The following PXDN variants were observed in gnomAD, a reference collection of about 807,000 sequenced individuals.
PXDN encodes peroxidasin homolog.
In PXDN, 77 loss-of-function variants were observed where a neutral mutation model predicts 140.3. The observed-to-expected ratio is 0.55, with a 90% confidence interval of 0.46 to 0.66. PXDN has a LOEUF of 0.66. Among genes scored for constraint, PXDN ranks in the 30% least tolerant of loss-of-function variants. The pLI is 0.00. For missense variants in PXDN, 1,838 were observed against 2,039.5 expected, an observed-to-expected ratio of 0.90 and a Z score of 1.90; for synonymous variants, 911 against 857.4, an observed-to-expected ratio of 1.06 and a Z score of -1.09.
At position 1,666,412 on chromosome 2, in the gene PXDN, CGCT is replaced by C. The variant is rs1176744102; in HGVS notation, c.1090_1092del (p.Ser364del). On this transcript the variant is annotated inframe_deletion, in exon 10 of 23. Transcript: ENST00000252804. The stretch of plus-strand genomic sequence containing the variant: ...ATCCGCGGCGGGGGGTGGCCTGTGG[CGCT>C]GCACTCCAGCGTGACGCTCTCCCCA... The C allele has an allele frequency of 1.2e-6, 2 of 1,613,662 alleles. No homozygotes were observed. Among genetic ancestry groups the C allele is most frequent in the African/African-American group, 2.7e-5 (2 of 74,948 alleles).
At chr2:1,719,892 G>A (rs1684981102) in intron 1 of PXDN, among the ~76,000 whole-genome samples, 1 of 138,048 alleles carries the variant, frequency 7.2e-6, no homozygotes. Context: ...GAGAGGGAGG[G>A]AGATTCAGAG....
At chr2:1,683,581 A>C (rs776764556) in intron 6 of PXDN, 75 bp downstream of exon 6, 11 of 779,416 alleles carry the variant, frequency 1.4e-5, no homozygotes, top group Non-Finnish European at 1.9e-5. Context: ...AATACTTGAA[A>C]AAGAACCAGG....
intron 9 of PXDN, among the ~76,000 whole-genome samples, chr2:1,672,959 G>A (rs574243519): frequency 2.4e-4 from 37 of 152,210 alleles, no homozygotes; most frequent in Middle Eastern, 3.4e-3. Flanking sequence ...AGGCAGACCC[G>A]TCCAGAGGCA....
At chr2:1,716,464 A>C (rs975691014) in intron 1 of PXDN, among the ~76,000 whole-genome samples, 12 of 131,668 alleles carry the variant, frequency 9.1e-5, no homozygotes, top group African/African-American at 2.3e-4. Context: ...AAAAAAAAAA[A>C]AAAAAACCAG....
intron 7 of PXDN, among the ~76,000 whole-genome samples, chr2:1,678,718 C>T (rs1376815940): frequency 6.6e-6 from 1 of 152,196 alleles, no homozygotes; most frequent in African/African-American, 2.4e-5. Flanking sequence ...CCCCTGAGCA[C>T]CGAGGGCCCT....
At chr2:1,679,618 T>C (rs982393713) in intron 7 of PXDN, among the ~76,000 whole-genome samples, 7 of 129,750 alleles carry the variant, frequency 5.4e-5, no homozygotes, top group Non-Finnish European at 1.1e-4. Context: ...TGTGTGTGGT[T>C]TGTGTCTGCA....
At position 1,634,282 on chromosome 2, in the gene PXDN, G is replaced by A; in HGVS notation, c.4362C>T (p.Ala1454=). Residue 1454 remains alanine, a synonymous_variant, in exon 23 of 23, where the codon GCC becomes GCT. Transcript: ENST00000252804. The part of the protein sequence containing the change: ...VTCFVEACPP[A]TCAVPVNIPG... ...GGATGTTCACGGGGACAGCACAGGT[G>A]GCAGGGGGGCAAGCTTCCACGAAGC... 6.2e-7 allele frequency: 1 copy of A among 1,606,420 alleles called. No homozygotes were observed. The highest frequency in any genetic ancestry group is 8.5e-7 in the Non-Finnish European group (1 of 1,176,734).
chr2:1,685,194 A>G lies in PXDN; in HGVS notation c.417-1043T>C, dbSNP rs989867926. 3.3e-5 allele frequency among the ~76,000 whole-genome samples: 5 copies of G among 152,208 alleles called. No homozygotes were observed. Among genetic ancestry groups the G allele is most frequent in the African/African-American group, 1.2e-4 (5 of 41,464 alleles). The stretch of plus-strand genomic sequence containing the variant: ...CACAGGCCACACTGAGTCTCTGCGG[A>G]CACCTGCAGCCGGAGGGCCCCCAAA... On this transcript the variant is annotated intron_variant, in intron 4 of 22. Transcript: ENST00000252804. This position sits in a 1 kb window ranked among gnomAD's most constrained non-coding sequence, Gnocchi z 5.1.
At chr2:1,711,568 TCTCCACCAGCACCCA>T (rs1187702637) in intron 1 of PXDN, among the ~76,000 whole-genome samples, 21,612 of 97,438 alleles carry the variant, frequency 0.22, 3,460 homozygotes, top group Admixed American at 0.29. Flanking sequence ...CAGCATCCAC[TCTCCACCAGCACCCA>T]CTCCACCAGC....
intron 1 of PXDN, among the ~76,000 whole-genome samples, chr2:1,712,747 G>A (rs183218691): frequency 2.6e-5 from 4 of 152,154 alleles, no homozygotes; most frequent in African/African-American, 7.2e-5. Context: ...TTTTGGAGAC[G>A]GAGTTTTGCT....
At chr2:1,638,478 G>A (rs373554802) in intron 21 of PXDN, among the ~76,000 whole-genome samples, 1 of 152,150 alleles carries the variant, frequency 6.6e-6, no homozygotes, top group African/African-American at 2.4e-5. Context: ...CCACGCCCTG[G>A]GAGAGATGAT....
intron 17 of PXDN, among the ~76,000 whole-genome samples, chr2:1,647,372 G>C (rs1335936720): frequency 6.6e-6 from 1 of 152,194 alleles, no homozygotes; most frequent in Non-Finnish European, 1.5e-5. Context: ...TCCTGGGAAG[G>C]GGACTGGCTA....
rs570259640 is a variant in PXDN at position 1,710,259 on chromosome 2, A to G, written c.201-17125T>C. ...GCTGCTCACTTGGTAGGTGTGGGCC[A>G]CGTCTATAAATACAGGTGTTGCCCA... On this transcript the variant is annotated intron_variant, in intron 1 of 22. Transcript: ENST00000252804. 6.6e-5 allele frequency among the ~76,000 whole-genome samples: 10 copies of G among 152,288 alleles called. No homozygotes were observed. The East Asian group carries it at 1.9e-3, about 29-fold the overall frequency.
chr2:1,693,166 G>GA (rs1166103714), intron 1 of PXDN, 32 bp from the exon 2 acceptor site: 60 of 1,478,578 alleles, frequency 4.1e-5, no homozygotes, highest in Non-Finnish European at 3.6e-5. Flanking sequence ...ATTATTACGT[G>GA]AAAAAAAATC....
At chr2:1,655,534 C>T (rs1043737555) in intron 14 of PXDN, among the ~76,000 whole-genome samples, 1 of 151,960 alleles carries the variant, frequency 6.6e-6, no homozygotes, top group Non-Finnish European at 1.5e-5. Flanking sequence ...AGACACCACA[C>T]ACACACATCT....
At chr2:1,696,219 G>GT (rs370319908) in intron 1 of PXDN, among the ~76,000 whole-genome samples, 8 of 152,218 alleles carry the variant, frequency 5.3e-5, no homozygotes, top group African/African-American at 1.9e-4. Flanking sequence ...TTTATTTCTA[G>GT]TTTTTTCACA....
Position 1,648,643 on chromosome 2 carries a change from G to A in PXDN, c.3137C>T (p.Thr1046Met), listed in dbSNP as rs375863606. Residue 1046 changes from threonine to methionine, a missense_variant, in exon 17 of 23, where the codon ACG becomes ATG. This residue lies in a region of PXDN where 850 missense variants were observed against 894.1 expected (regional missense o/e 0.95). Coordinates refer to ENST00000252804, the MANE Select transcript of PXDN (RefSeq NM_012293.3). The surrounding 1 kb of genome is among the most constrained non-coding windows in gnomAD (Gnocchi z 8.9). ...PKILGEVGMRTLGEYHGYDPG... is the reference protein window; with the variant it reads ...PKILGEVGMRMLGEYHGYDPG... ...GTCGTAGCCGTGGTACTCTCCCAGC[G>A]TCCTCATGCCCACCTCCCCCAGGAT... 17 of 1,610,722 alleles carry A rather than the reference G, an allele frequency of 1.1e-5. No individual in the cohort carries two copies. The highest frequency in any genetic ancestry group is 2.2e-5 in the East Asian group (1 of 44,762).
chr2:1,692,842 A>G (rs1684215154), intron 2 of PXDN, among the ~76,000 whole-genome samples: 1 of 152,178 alleles, frequency 6.6e-6, no homozygotes, highest in Non-Finnish European at 1.5e-5. Flanking sequence ...GGTCCCAATC[A>G]ACATGCCACA....
At position 1,649,499 on chromosome 2, in the gene PXDN, T is replaced by A; in HGVS notation, c.2281A>T (p.Thr761Ser). 6.2e-7 allele frequency: 1 copy of A among 1,613,980 alleles called. No individual in the cohort carries two copies. Among genetic ancestry groups the A allele is most frequent in the Non-Finnish European group, 8.5e-7 (1 of 1,179,878 alleles). The change falls in exon 17 of 23, where the codon ACC (threonine) becomes TCC (serine). Residue 761 changes from threonine (T) to serine (S), a missense_variant. Thr to Ser is a moderately conservative substitution (Grantham distance 58). Transcript: ENST00000252804. This position sits in a 1 kb window ranked among gnomAD's most constrained non-coding sequence, Gnocchi z 7.1. ...GATTTCAGCAGGCGCTCGAAGGCGG[T>A]CAGCGAGGCGCCCCACATGGGGTGC... ...LQHPMWGASL[T>S]AFERLLKSVY...
Sources: gnomAD v4.1 joint callset for allele counts (sites outside exome capture counted in the v4.1 genomes callset) on GRCh38, gnomAD v4.1.1 for gene constraint, gnomAD v4.1.1 regional missense constraint, Gnocchi (gnomAD v3.1) non-coding constraint, MANE v1.5 for transcripts, NCBI Gene and HGNC (gene_info 2026-07-23, HGNC 2026-07-21) for gene names.